The following CENPP variants were observed in gnomAD, a reference collection of about 807,000 sequenced individuals.
CENPP encodes centromere protein P.
A neutral mutation model predicts 35.6 loss-of-function variants in CENPP; 24 were observed. The ratio of observed to expected loss-of-function variants is 0.67; its 90% CI spans 0.49 to 0.95. CENPP has a LOEUF of 0.95. Ranked by LOEUF, CENPP falls within the 40% of genes least tolerant of loss-of-function variation. CENPP has a pLI of 0.00. For synonymous variants in CENPP, 120 were observed against 125.5 expected (o/e 0.96, Z 0.29); for missense variants, 332 against 345.3 (o/e 0.96, Z 0.31).
chr9:92,593,075 T>C lies in CENPP; in HGVS notation c.565-18239T>C, dbSNP rs993680200. On this transcript the variant is annotated intron_variant, in intron 5 of 7. Coordinates refer to ENST00000375587, the MANE Select transcript of CENPP (RefSeq NM_001012267.3). This position sits in a 1 kb window ranked among gnomAD's most constrained non-coding sequence, Gnocchi z 4.1. ...CCAGGGCTGGAGGCTTCTCTCCCAC[T>C]GTGTGAGCCTCCCAGCAGCCCTGGC... is the stretch of plus-strand genomic sequence containing the variant. Among the ~76,000 whole-genome samples, 2 of 152,230 alleles carry C rather than the reference T, an allele frequency of 1.3e-5. No homozygotes were observed. The highest frequency in any genetic ancestry group is 6.5e-5 in the Admixed American group (1 of 15,284).
At chr9:92,356,901 C>T (rs1221992324) in intron 4 of CENPP, among the ~76,000 whole-genome samples, 3 of 152,200 alleles carry the variant, frequency 2.0e-5, no homozygotes, top group African/African-American at 7.2e-5. Flanking sequence ...TCCCTGACTT[C>T]CTACAACAGT....
At chr9:92,609,887 C>G (rs528941248) in intron 5 of CENPP, among the ~76,000 whole-genome samples, 16 of 151,976 alleles carry the variant, frequency 1.1e-4, no homozygotes, top group Admixed American at 8.5e-4. Context: ...ATTACAGGCA[C>G]CCACCACCAC....
chr9:92,442,872 C>T (rs1329032447), intron 5 of CENPP, among the ~76,000 whole-genome samples: 3 of 150,752 alleles, frequency 2.0e-5, no homozygotes, highest in African/African-American at 4.9e-5. Flanking sequence ...ACATTGGATA[C>T]AATTAAATAC....
At chr9:92,342,384 C>T (rs1216573176) in intron 3 of CENPP, among the ~76,000 whole-genome samples, 1 of 152,244 alleles carries the variant, frequency 6.6e-6, no homozygotes, top group African/African-American at 2.4e-5. Context: ...AGGAGAGGAA[C>T]TGTAGATATC....
chr9:92,564,038 T>A (rs1214764195), intron 5 of CENPP, among the ~76,000 whole-genome samples: 1 of 152,136 alleles, frequency 6.6e-6, no homozygotes, highest in African/African-American at 2.4e-5. Flanking sequence ...TCACTGATTG[T>A]AATGTGGTGT....
chr9:92,406,696 G>A (rs530845244), intron 5 of CENPP, among the ~76,000 whole-genome samples: 1 of 152,286 alleles, frequency 6.6e-6, no homozygotes, highest in South Asian at 2.1e-4. Flanking sequence ...AGCCCATGTG[G>A]TTGTTGACAG....
At position 92,348,049 on chromosome 9, in the gene CENPP, G is replaced by A. The variant is rs147039822; in HGVS notation, c.467+2262G>A. 9.9e-5 allele frequency among the ~76,000 whole-genome samples: 15 copies of A among 151,182 alleles called. No individual in the cohort carries two copies. The East Asian group carries it at 2.8e-3, about 28-fold the overall frequency. On this transcript the variant is annotated intron_variant, in intron 4 of 7. Coordinates refer to ENST00000375587, the MANE Select transcript of CENPP (RefSeq NM_001012267.3). The stretch of plus-strand genomic sequence containing the variant: ...GGCAATTCTCCTGCCTCAGCCTCCT[G>A]AGTAGCTGGGATTGCAGGCATCCAG...
At chr9:92,437,210 A>G (rs1156857457) in intron 5 of CENPP, among the ~76,000 whole-genome samples, 1 of 152,278 alleles carries the variant, frequency 6.6e-6, no homozygotes, top group South Asian at 2.1e-4. Context: ...CTCAAAAATA[A>G]ATAAATAAAT....
chr9:92,526,144 G>A (rs1848395559), intron 5 of CENPP, among the ~76,000 whole-genome samples: 1 of 152,142 alleles, frequency 6.6e-6, no homozygotes, highest in South Asian at 2.1e-4. Flanking sequence ...CTTCCAGTGG[G>A]ACAAGATATG....
chr9:92,525,574 C>T (rs1848342920), intron 5 of CENPP, among the ~76,000 whole-genome samples: 1 of 152,098 alleles, frequency 6.6e-6, no homozygotes, highest in Non-Finnish European at 1.5e-5. Flanking sequence ...ATAAACAAAC[C>T]TACTGCACTT....
intron 5 of CENPP, among the ~76,000 whole-genome samples, chr9:92,580,689 CTCT>C (rs2131365962): frequency 6.6e-6 from 1 of 152,294 alleles, no homozygotes; most frequent in Non-Finnish European, 1.5e-5. Flanking sequence ...TGATTCTTCT[CTCT>C]TTTTTTCTTT....
At chr9:92,432,123 G>A (rs1309783321) in intron 5 of CENPP, among the ~76,000 whole-genome samples, 1 of 151,950 alleles carries the variant, frequency 6.6e-6, no homozygotes, top group Non-Finnish European at 1.5e-5. Flanking sequence ...TCAGGAGTTC[G>A]AGACCAGCCT....
Position 92,618,142 on chromosome 9 carries a change from C to A in CENPP, c.*4993C>A. ...TGCGCACACCTTCCTGGAAGCAGGC[C>A]CAGCCCCACACGCCATGTTCTCGGA... On this transcript the variant is annotated 3_prime_UTR_variant, in exon 8 of 8. Transcript: ENST00000375587. 2 of 434,556 alleles carry A rather than the reference C, an allele frequency of 4.6e-6. No individual in the cohort carries two copies. Among genetic ancestry groups the A allele is most frequent in the South Asian group, 1.6e-5 (1 of 62,694 alleles). 26.9% of individuals were successfully genotyped at this position (434,556 alleles called of 1,614,324 possible).
intron 5 of CENPP, among the ~76,000 whole-genome samples, chr9:92,542,236 T>C (rs1160035561): frequency 6.6e-6 from 1 of 152,240 alleles, no homozygotes; most frequent in Non-Finnish European, 1.5e-5. Flanking sequence ...TTGCCTATTT[T>C]CTTGATTGGG....
At chr9:92,387,267 G>A (rs1842469840) in intron 5 of CENPP, among the ~76,000 whole-genome samples, 1 of 151,438 alleles carries the variant, frequency 6.6e-6, no homozygotes, top group South Asian at 2.1e-4. Context: ...AGCTACTAGG[G>A]AGCCTGAGTG....
At chr9:92,409,271 G>A (rs1462379280) in intron 5 of CENPP, among the ~76,000 whole-genome samples, 1 of 152,148 alleles carries the variant, frequency 6.6e-6, no homozygotes, top group African/African-American at 2.4e-5. Flanking sequence ...ATTTAATTTT[G>A]TTTCCAGCTG....
intron 1 of CENPP, among the ~76,000 whole-genome samples, chr9:92,329,030 T>G (rs1840655028): frequency 6.6e-6 from 1 of 152,350 alleles, no homozygotes; most frequent in East Asian, 1.9e-4. Flanking sequence ...CTCTGACAAC[T>G]GCAGGTTCTT....
chr9:92,564,196 G>A (rs1349017964), intron 5 of CENPP, among the ~76,000 whole-genome samples: 1 of 152,016 alleles, frequency 6.6e-6, no homozygotes, highest in Admixed American at 6.6e-5. Flanking sequence ...AGACCAGCCT[G>A]GCCAACATGG....
At chr9:92,351,321 A>C (rs2130813826) in intron 4 of CENPP, among the ~76,000 whole-genome samples, 1 of 152,138 alleles carries the variant, frequency 6.6e-6, no homozygotes, top group South Asian at 2.1e-4. Context: ...CTCTACTAAA[A>C]ATACAAAAAC....
Sources: gnomAD v4.1 joint callset for allele counts (sites outside exome capture counted in the v4.1 genomes callset) on GRCh38, gnomAD v4.1.1 for gene constraint, Gnocchi (gnomAD v3.1) non-coding constraint, MANE v1.5 for transcripts, NCBI Gene and HGNC (gene_info 2026-07-23, HGNC 2026-07-21) for gene names.